Variants in LIMCH1 observed in about 807,000 individuals in gnomAD.
LIMCH1 encodes the protein LIM and calponin homology domains 1.
A neutral mutation model predicts 176.5 loss-of-function variants in LIMCH1; 113 were observed. The observed-to-expected ratio is 0.64, with a 90% CI of 0.55 to 0.75. The LOEUF (loss-of-function observed/expected upper bound fraction) is 0.75. LIMCH1 is among the 30% of genes least tolerant of loss of function. The pLI, the probability that LIMCH1 is intolerant of heterozygous loss-of-function variation, is 0.00. For synonymous variants in LIMCH1, 619 were observed against 645.9 expected (o/e 0.96, Z 0.63); for missense variants, 1,674 against 1,814.9 (o/e 0.92, Z 1.41).
intron 2 of LIMCH1, among the ~76,000 whole-genome samples, chr4:41,515,668 C>T (rs1442425680): frequency 1.3e-5 from 2 of 152,216 alleles, no homozygotes; most frequent in East Asian, 1.9e-4. Flanking sequence ...AACTGAGGCT[C>T]GTGGATGTCA....
At chr4:41,696,987 C>A (rs920379754) in intron 31 of LIMCH1, among the ~76,000 whole-genome samples, 173 bp from the exon 32 acceptor site, 2 of 152,108 alleles carry the variant, frequency 1.3e-5, no homozygotes, top group African/African-American at 4.8e-5. Context: ...CCAGGTGATG[C>A]CAGTACTACT....
chr4:41,452,168 C>G (rs2063967278), intron 1 of LIMCH1, among the ~76,000 whole-genome samples: 2 of 152,216 alleles, frequency 1.3e-5, no homozygotes, highest in Non-Finnish European at 2.9e-5. Context: ...CTATGGCAAC[C>G]ATGCCCAGCC....
chr4:41,367,352 G>A (rs962876520), intron 1 of LIMCH1, among the ~76,000 whole-genome samples: 1 of 152,168 alleles, frequency 6.6e-6, no homozygotes, highest in African/African-American at 2.4e-5. Context: ...GAGACCTTAA[G>A]AATAAAATAT....
intron 1 of LIMCH1, among the ~76,000 whole-genome samples, chr4:41,371,647 G>T (rs908341945): frequency 2.1e-5 from 1 of 48,000 alleles, no homozygotes. Flanking sequence ...TGCTGCCCCC[G>T]TCCCAGTTTG....
chr4:41,475,752 T>C (rs2067632192), intron 1 of LIMCH1, among the ~76,000 whole-genome samples: 1 of 151,994 alleles, frequency 6.6e-6, no homozygotes, highest in Non-Finnish European at 1.5e-5. Context: ...TTAGGACAAA[T>C]ACCTAGTGCA....
intron 13 of LIMCH1, among the ~76,000 whole-genome samples, chr4:41,634,631 G>C (rs1268684279): frequency 6.6e-6 from 1 of 152,138 alleles, no homozygotes. Context: ...AACAGTAATG[G>C]AGCCTAGCAC....
chr4:41,430,403 A>G (rs2061493620), intron 1 of LIMCH1, among the ~76,000 whole-genome samples: 1 of 152,186 alleles, frequency 6.6e-6, no homozygotes, highest in African/African-American at 2.4e-5. Context: ...AGCTGGGACT[A>G]CAGGCACGTG....
intron 27 of LIMCH1, 114 bp from the exon 28 acceptor site, chr4:41,685,596 G>C: frequency 2.4e-6 from 3 of 1,243,590 alleles, no homozygotes; most frequent in Non-Finnish European, 3.5e-6. Context: ...CCCATGACCT[G>C]CATGAAATCG....
intron 1 of LIMCH1, among the ~76,000 whole-genome samples, chr4:41,383,201 T>C (rs1399503085): frequency 6.6e-6 from 1 of 152,194 alleles, no homozygotes; most frequent in Non-Finnish European, 1.5e-5. Flanking sequence ...AAGCACCCTT[T>C]CTATGTTTGG....
At chr4:41,495,701 ACT>A (rs1444512460) in intron 2 of LIMCH1, among the ~76,000 whole-genome samples, 1 of 152,028 alleles carries the variant, frequency 6.6e-6, no homozygotes, top group East Asian at 1.9e-4. Context: ...AAAATGTATA[ACT>A]CTATTTTGTA....
In LIMCH1 at chr4:41,626,892, A is replaced by G; in HGVS notation, c.910A>G (p.Met304Val). 2 of 1,536,204 alleles carry G rather than the reference A, an allele frequency of 1.3e-6. No homozygotes were observed. The highest frequency in any genetic ancestry group is 8.7e-7 in the Non-Finnish European group (1 of 1,146,932). Residue 304 changes from methionine (M) to valine (V), a missense_variant, in exon 8 of 32, where the codon ATG becomes GTG. By Grantham distance (21) the Met-to-Val change is conservative (BLOSUM62 1). Transcript: ENST00000503057. ...AGCAAGGATGAACCAAACCAAGCCA[A>G]TGGTGCCATTAAATCAACTCCTCTA... ...RRARMNQTKP[M>V]VPLNQLLYGP...
At chr4:41,481,194 T>TCC in intron 1 of LIMCH1, among the ~76,000 whole-genome samples, 1 of 152,204 alleles carries the variant, frequency 6.6e-6, no homozygotes, top group Non-Finnish European at 1.5e-5. Flanking sequence ...GTTGATTAAA[T>TCC]AACCTCAGGG....
At chr4:41,478,369 G>T (rs1190621908) in intron 1 of LIMCH1, among the ~76,000 whole-genome samples, 2 of 152,038 alleles carry the variant, frequency 1.3e-5, no homozygotes, top group Non-Finnish European at 2.9e-5. Context: ...TAGTTGTGTT[G>T]CCCAAGTCAA....
chr4:41,528,485 T>C (rs1164568405), intron 3 of LIMCH1, among the ~76,000 whole-genome samples: 1 of 152,276 alleles, frequency 6.6e-6, no homozygotes, highest in Non-Finnish European at 1.5e-5. Context: ...TGTGTGAGGG[T>C]ATTTTTCAAA....
intron 1 of LIMCH1, among the ~76,000 whole-genome samples, chr4:41,407,816 C>A (rs1303128872): frequency 6.6e-6 from 1 of 152,080 alleles, no homozygotes; most frequent in Non-Finnish European, 1.5e-5. Context: ...ACATGTGAGG[C>A]CAACTGCTGC....
chr4:41,452,020 T>C (rs866892274), intron 1 of LIMCH1, among the ~76,000 whole-genome samples: 4 of 152,304 alleles, frequency 2.6e-5, no homozygotes, highest in Middle Eastern at 3.4e-3. Flanking sequence ...CTTTCTTCTT[T>C]TCTTCTCAGG....
chr4:41,576,081 G>T (rs74419466), intron 1 of LIMCH1, among the ~76,000 whole-genome samples: 2 of 152,146 alleles, frequency 1.3e-5, no homozygotes, highest in East Asian at 3.9e-4. Context: ...ACATTAATAA[G>T]CAATACATTT....
At chr4:41,659,729 G>A (rs2094558474) in intron 18 of LIMCH1, among the ~76,000 whole-genome samples, 1 of 151,934 alleles carries the variant, frequency 6.6e-6, no homozygotes, top group African/African-American at 2.4e-5. Context: ...TTTAACTTTA[G>A]CTTTTTACAA....
chr4:41,366,311 A>G (rs1427955128), intron 1 of LIMCH1, among the ~76,000 whole-genome samples: 1 of 152,204 alleles, frequency 6.6e-6, no homozygotes, highest in Non-Finnish European at 1.5e-5. Flanking sequence ...CTTGATTTTC[A>G]TGATTCAGGA....
Sources: allele counts gnomAD v4.1 joint callset (sites outside exome capture counted in the v4.1 genomes callset), GRCh38; gene constraint gnomAD v4.1.1; transcripts MANE v1.5; gene names NCBI Gene and HGNC (gene_info 2026-07-23, HGNC 2026-07-21).